MACROD2: variants seen among roughly 807,000 people sequenced by gnomAD.
The protein encoded by MACROD2 is mono-ADP ribosylhydrolase 2, also known as ADP-ribose glycohydrolase MACROD2.
Under a neutral mutation model 70.4 loss-of-function variants are expected in MACROD2, and 36 were observed. That is an observed-to-expected ratio of 0.51 (90% CI 0.39 to 0.68). MACROD2 has a LOEUF of 0.68. Among genes scored for constraint, MACROD2 ranks in the 30% least tolerant of loss-of-function variants. The pLI, the probability that MACROD2 is intolerant of heterozygous loss-of-function variation, is 0.00. For missense variants in MACROD2, 496 were observed against 538.4 expected, an observed-to-expected ratio of 0.92 and a Z score of 0.78; for synonymous variants, 172 against 178.8, an observed-to-expected ratio of 0.96 and a Z score of 0.30.
At chr20:14,467,579 C>T (rs1163689282) in intron 3 of MACROD2, among the ~76,000 whole-genome samples, 4 of 152,082 alleles carry the variant, frequency 2.6e-5, no homozygotes, top group African/African-American at 9.7e-5. Flanking sequence ...GTGAGGTGAA[C>T]CCGGTTGGAA....
chr20:15,705,054 A>G (rs1203034915), intron 8 of MACROD2, among the ~76,000 whole-genome samples: 6 of 152,126 alleles, frequency 3.9e-5, no homozygotes, highest in South Asian at 2.1e-4. Flanking sequence ...ATTAATTTCT[A>G]TTATTACTTC....
chr20:15,772,104 ATATATATATATAT>A (rs2051644954), intron 8 of MACROD2, among the ~76,000 whole-genome samples: 1 of 78,188 alleles, frequency 1.3e-5, no homozygotes, highest in Non-Finnish European at 2.2e-5. Flanking sequence ...AAAAAAAAAT[ATATATATATATAT>A]ATATATATAT....
chr20:15,238,038 A>G (rs927891778), intron 6 of MACROD2, among the ~76,000 whole-genome samples: 1 of 152,204 alleles, frequency 6.6e-6, no homozygotes, highest in Non-Finnish European at 1.5e-5. Flanking sequence ...TAATATTGAT[A>G]AATGTCATTT....
At chr20:14,753,877 A>G (rs1267804760) in intron 5 of MACROD2, among the ~76,000 whole-genome samples, 1 of 152,058 alleles carries the variant, frequency 6.6e-6, no homozygotes, top group Non-Finnish European at 1.5e-5. Context: ...ATATATATCC[A>G]TCCCCTAAAA....
chr20:14,010,430 G>A (rs865923123), intron 2 of MACROD2, among the ~76,000 whole-genome samples: 7 of 152,066 alleles, frequency 4.6e-5, no homozygotes, highest in African/African-American at 1.7e-4. Context: ...AGGCAGGCAT[G>A]CGTGATGCAG....
chr20:14,964,252 A>C (rs1343665566), intron 5 of MACROD2, among the ~76,000 whole-genome samples: 1 of 152,082 alleles, frequency 6.6e-6, no homozygotes, highest in Non-Finnish European at 1.5e-5. Flanking sequence ...TTTCCTTCTG[A>C]TTTTGTGTAA....
chr20:15,591,409 G>T (rs1803566817), intron 8 of MACROD2, among the ~76,000 whole-genome samples: 1 of 151,660 alleles, frequency 6.6e-6, no homozygotes, highest in Non-Finnish European at 1.5e-5. Flanking sequence ...TAACCAACCG[G>T]TCAACACCAA....
intron 2 of MACROD2, among the ~76,000 whole-genome samples, chr20:14,083,265 CT>C (rs2054024986): frequency 6.6e-6 from 1 of 151,768 alleles, no homozygotes; most frequent in African/African-American, 2.4e-5. Flanking sequence ...AACCCCCTCT[CT>C]CCTAAAAATA....
At chr20:15,900,208 T>C (rs2065044079) in intron 10 of MACROD2, among the ~76,000 whole-genome samples, 1 of 152,162 alleles carries the variant, frequency 6.6e-6, no homozygotes, top group Non-Finnish European at 1.5e-5. Context: ...TTGCCATCAC[T>C]CAAATGAGCT....
intron 3 of MACROD2, among the ~76,000 whole-genome samples, chr20:14,314,760 CTAAATAAATAAA>C (rs112460293): frequency 2.6e-4 from 39 of 148,088 alleles, no homozygotes; most frequent in Middle Eastern, 3.5e-3. Context: ...GACTTCGTCT[CTAAATAAATAAA>C]TAAATAAATA....
Position 14,861,992 on chromosome 20 carries a change from T to TA in MACROD2, c.418+177033_418+177034insA, listed in dbSNP as rs1568838567. 1.7e-3 allele frequency among the ~76,000 whole-genome samples: 108 copies of TA among 64,428 alleles called. 1 individual carries two copies. The highest frequency in any genetic ancestry group is 4.6e-3 in the African/African-American group (67 of 14,572). The allele number at this position is 64,428 out of a possible 152,430, so 42.3% of individuals were successfully genotyped here. A position where few individuals can be genotyped will look rare whatever the true frequency, so the allele number is the denominator to read the frequency against. ...TTATATATAAATATATATATATATA[T>TA]TTATATATATATTTATATATATATA... On this transcript the variant is annotated intron_variant, in intron 5 of 17. Transcript: ENST00000684519.
At chr20:15,037,340 A>G (rs1285049681) in intron 5 of MACROD2, among the ~76,000 whole-genome samples, 1 of 152,256 alleles carries the variant, frequency 6.6e-6, no homozygotes, top group African/African-American at 2.4e-5. Flanking sequence ...CTCAAAAGCC[A>G]TACTTTTTTA....
intron 3 of MACROD2, among the ~76,000 whole-genome samples, chr20:14,461,282 C>T (rs2084368087): frequency 6.6e-6 from 1 of 151,974 alleles, no homozygotes; most frequent in Non-Finnish European, 1.5e-5. Context: ...GCCCCTTTAT[C>T]ATTGTTTATT....
At chr20:15,511,455 A>C (rs1253053977) in intron 8 of MACROD2, among the ~76,000 whole-genome samples, 1 of 152,144 alleles carries the variant, frequency 6.6e-6, no homozygotes, top group Non-Finnish European at 1.5e-5. Context: ...GGGGTCTTTA[A>C]AAAAAGGCCC....
At chr20:14,895,920 T>C (rs914968195) in intron 5 of MACROD2, among the ~76,000 whole-genome samples, 2 of 152,212 alleles carry the variant, frequency 1.3e-5, no homozygotes, top group Admixed American at 1.3e-4. Flanking sequence ...CAAATAAATT[T>C]AAGCTGAGAG....
At chr20:14,010,301 A>T (rs2052883799) in intron 2 of MACROD2, among the ~76,000 whole-genome samples, 2 of 152,174 alleles carry the variant, frequency 1.3e-5, no homozygotes, top group African/African-American at 4.8e-5. Flanking sequence ...GTGGGTCATC[A>T]CAAAAGTCTT....
intron 15 of MACROD2, among the ~76,000 whole-genome samples, chr20:16,024,940 TTTTG>T (rs139692960): frequency 1.6e-4 from 25 of 152,210 alleles, no homozygotes; most frequent in Middle Eastern, 3.4e-3. Flanking sequence ...GGTCTAGGCT[TTTTG>T]TTTGTTTGTT....
intron 8 of MACROD2, among the ~76,000 whole-genome samples, chr20:15,564,522 G>T (rs1483510743): frequency 6.6e-6 from 1 of 152,122 alleles, no homozygotes; most frequent in East Asian, 1.9e-4. Flanking sequence ...ACATTTCGCA[G>T]CTGGGTTTAA....
intron 8 of MACROD2, among the ~76,000 whole-genome samples, chr20:15,540,652 A>G (rs1475687650): frequency 6.6e-6 from 1 of 152,206 alleles, no homozygotes; most frequent in African/African-American, 2.4e-5. Context: ...GAGCAGCTTA[A>G]ACAATAGAAA....
Sources: gnomAD v4.1 joint callset for allele counts (sites outside exome capture counted in the v4.1 genomes callset) on GRCh38, gnomAD v4.1.1 for gene constraint, MANE v1.5 for transcripts, NCBI Gene and HGNC (gene_info 2026-07-23, HGNC 2026-07-21) for gene names.